Variants in ZNF814 observed in about 807,000 individuals in gnomAD.
ZNF814 encodes zinc finger protein 814.
ZNF814 carries 5 observed loss-of-function variants against 7.5 expected under a neutral mutation model. The observed-to-expected ratio is 0.67, with a 90% CI of 0.35 to 1.40. ZNF814 has a LOEUF of 1.40. Among genes scored for constraint, ZNF814 ranks in the 40% most tolerant of loss-of-function variants. ZNF814 has a pLI of 0.04. For synonymous variants in ZNF814, 315 were observed against 340.7 expected, an observed-to-expected ratio of 0.92 and a Z score of 0.83; for missense variants, 962 against 1,018.0, an observed-to-expected ratio of 0.94 and a Z score of 0.75.
upstream of ZNF814, among the ~76,000 whole-genome samples, chr19:57,890,334 G>GT (rs1555778259): frequency 1.3e-5 from 2 of 151,944 alleles, no homozygotes; most frequent in African/African-American, 4.8e-5. Flanking sequence ...CGAGACTGGG[G>GT]TTTTTTGTTG....
At chr19:57,897,144 C>A in the ZNF814 span, among the ~76,000 whole-genome samples, 19 of 152,064 alleles carry the variant, frequency 1.2e-4, no homozygotes, top group African/African-American at 4.1e-4. Context: ...CCATAACTGA[C>A]AAAACAGCTC....
At position 57,869,522 on chromosome 19, in the gene ZNF814, G is replaced by GT. The variant is rs2122401819; in HGVS notation, c.*3299_*3300insA. ...TAAAAAGGTTCCAAGTAAATATAAA[G>GT]GTGTTAAGTTCATTATTGTGACTAT... On this transcript the variant is annotated 3_prime_UTR_variant, in exon 3 of 3. Coordinates refer to ENST00000435989, the MANE Select transcript of ZNF814 (RefSeq NM_001144989.2). The GT allele has an allele frequency of 6.6e-6, 1 of 152,186 alleles. No homozygotes were observed. Among genetic ancestry groups the GT allele is most frequent in the East Asian group, 1.9e-4 (1 of 5,184 alleles). The allele number at this position is 152,186 out of a possible 1,614,324, so 9.4% of individuals were successfully genotyped here.
At chr19:57,889,753 A>T (rs2071723691), upstream of ZNF814, among the ~76,000 whole-genome samples, 1 of 151,730 alleles carries the variant, frequency 6.6e-6, no homozygotes, top group Admixed American at 6.6e-5. Flanking sequence ...AATCCCAGCT[A>T]CTGGGGAGGC....
At chr19:57,903,174 C>A in the ZNF814 span, among the ~76,000 whole-genome samples, 2 of 152,192 alleles carry the variant, frequency 1.3e-5, no homozygotes, top group African/African-American at 4.8e-5. Context: ...GAGATCCTTA[C>A]AAAACTCTTA....
At chr19:57,878,205 C>A (rs2071623201) in intron 1 of ZNF814, among the ~76,000 whole-genome samples, 1 of 150,572 alleles carries the variant, frequency 6.6e-6, no homozygotes, top group South Asian at 2.1e-4. Flanking sequence ...ATATTAACAG[C>A]CTGATAAGAG....
upstream of ZNF814, among the ~76,000 whole-genome samples, chr19:57,891,990 G>T (rs2071737409): frequency 6.6e-6 from 1 of 152,166 alleles, no homozygotes; most frequent in East Asian, 1.9e-4. Context: ...CCAACCTTGT[G>T]ATCTGCCCAC....
chr19:57,893,489 T>C (rs1600142622), upstream of ZNF814, among the ~76,000 whole-genome samples: 3 of 151,666 alleles, frequency 2.0e-5, no homozygotes, highest in African/African-American at 7.2e-5. Context: ...TTCCTACCAG[T>C]CAGTTGGCTG....
Position 57,873,850 on chromosome 19 carries a change from G to C in ZNF814, c.1540C>G (p.His514Asp). The change falls in exon 3 of 3, where the codon CAC becomes GAC. Residue 514 changes from histidine to aspartate, a missense_variant. Coordinates refer to ENST00000435989, the MANE Select transcript of ZNF814 (RefSeq NM_001144989.2). ...CACTCATAAGGTCTTGCTCCAGTGT[G>C]AACTCGCTGGTGTAGAACGAGGTTG... ...KGNLVLHQRV[H>D]TGARPYECGE... 1 of 1,614,052 alleles carries C rather than the reference G, an allele frequency of 6.2e-7. No homozygotes were observed. Among genetic ancestry groups the C allele is most frequent in the East Asian group, 2.2e-5 (1 of 44,876 alleles).
rs759665175 is a variant in ZNF814 at position 57,873,960 on chromosome 19, C to T, written c.1430G>A (p.Arg477His). Residue 477 changes from arginine to histidine, a missense_variant, in exon 3 of 3, where the codon CGC (arginine) becomes CAC (histidine). Physicochemically the swap from Arg to His is conservative, Grantham distance 29. Around this residue, in one of 7 missense-constraint regions of ZNF814, gnomAD observed 665 missense variants for 551.4 expected, o/e 1.21. Coordinates refer to ENST00000435989, the MANE Select transcript of ZNF814 (RefSeq NM_001144989.2). ...GECVKSFSHK[R>H]SLVHHQRVHS... ...AACTCGCTGATGGTGAACAAGGCTG[C>T]GCTTATGACTGAAAGATTTCACACA... 14 of 1,613,954 alleles carry T rather than the reference C, an allele frequency of 8.7e-6. No individual in the cohort carries two copies. Among genetic ancestry groups the T allele is most frequent in the Middle Eastern group, 1.7e-4 (1 of 6,056 alleles).
rs1295783879 is a variant in ZNF814, at chr19:57,888,841, C to T, written c.-39G>A. The T allele has an allele frequency of 9.0e-6, 14 of 1,550,970 alleles. No homozygotes were observed. Among genetic ancestry groups the T allele is most frequent in the Middle Eastern group, 1.7e-4 (1 of 5,990 alleles). ...TTTAAGCAGAGTCGGGAGGATAGGG[C>T]GACCAGCCAGGAGATATGGGCACGA... On this transcript the variant is annotated 5_prime_UTR_variant, in exon 1 of 3. Coordinates refer to ENST00000435989, the MANE Select transcript of ZNF814 (RefSeq NM_001144989.2).
Position 57,873,016 on chromosome 19 carries a change from T to A in ZNF814, c.2374A>T (p.Arg792Ter). The A allele has an allele frequency of 6.2e-7, 1 of 1,613,694 alleles. No individual in the cohort carries two copies. Among genetic ancestry groups the A allele is most frequent in the Non-Finnish European group, 8.5e-7 (1 of 1,179,794 alleles). Residue 792 changes from arginine (R) to a stop codon, truncating the protein, a stop_gained, in exon 3 of 3, where the codon AGA becomes TGA. Transcript: ENST00000435989. LOFTEE classifies it low-confidence loss of function (END_TRUNC). The part of the protein sequence containing the change: ...AESSSFTKHK[R>*]VHTGEKPYEC... ...TAAGGCTTTTCTCCAGTGTGAACTC[T>A]TTTGTGTTTTGTGAAACTGGAGCTT...
intron 1 of ZNF814, 121 bp from the exon 2 acceptor site, chr19:57,877,163 C>G: frequency 2.1e-6 from 3 of 1,429,292 alleles, no homozygotes; most frequent in Non-Finnish European, 2.9e-6. Flanking sequence ...ATAGGAGAAA[C>G]TAGGCCCACT....
chr19:57,875,958 T>C (rs868412623), intron 2 of ZNF814, among the ~76,000 whole-genome samples: 28,922 of 108,410 alleles, frequency 0.27, 4,341 homozygotes, highest in East Asian at 0.43. Flanking sequence ...TTTTTTTTTT[T>C]TTTTTTTTTT....
At chr19:57,880,602 CTTTTTTTTTTCTT>C (rs2071644829) in intron 1 of ZNF814, among the ~76,000 whole-genome samples, 1 of 125,572 alleles carries the variant, frequency 8.0e-6, no homozygotes, top group South Asian at 2.3e-4. Flanking sequence ...AACAGAACAC[CTTTTTTTTTTCTT>C]TTTTTTTTTA....
At chr19:57,877,423 A>G (rs2071615576) in intron 1 of ZNF814, among the ~76,000 whole-genome samples, 1 of 152,060 alleles carries the variant, frequency 6.6e-6, no homozygotes, top group Non-Finnish European at 1.5e-5. Context: ...TCTGGCCTTT[A>G]AACAACTTAA....
the ZNF814 span, among the ~76,000 whole-genome samples, chr19:57,896,116 G>GA: frequency 3.7e-5 from 5 of 135,662 alleles, no homozygotes; most frequent in East Asian, 1.1e-3. The surrounding 1 kb of genome is among the most constrained non-coding windows in gnomAD (Gnocchi z 4.2). Flanking sequence ...GAGCGCACCT[G>GA]AAAAAAGGGG....
chr19:57,902,203 A>C, the ZNF814 span, among the ~76,000 whole-genome samples: 1 of 152,228 alleles, frequency 6.6e-6, no homozygotes, highest in Non-Finnish European at 1.5e-5. Flanking sequence ...GTTTGGTTTG[A>C]AGGTGTGGAC....
intron 1 of ZNF814, among the ~76,000 whole-genome samples, chr19:57,880,581 A>G (rs1398759635): frequency 0.025 from 3,668 of 144,528 alleles, 29 homozygotes; most frequent in African/African-American, 0.096. Flanking sequence ...AGCTGCACCC[A>G]TCATACCCTT....
At position 57,870,031 on chromosome 19, in the gene ZNF814, G is replaced by A. The variant is rs1037118543; in HGVS notation, c.*2791C>T. On this transcript the variant is annotated 3_prime_UTR_variant, in exon 3 of 3. Coordinates refer to ENST00000435989, the MANE Select transcript of ZNF814 (RefSeq NM_001144989.2). ...CAAGGCAGGCGGATCACGAGGTCAG[G>A]AGATCGAGACCATCCTAGTTAACAT... 6 of 151,842 alleles carry A rather than the reference G, an allele frequency of 4.0e-5. No homozygotes were observed. Among genetic ancestry groups the A allele is most frequent in the African/African-American group, 1.5e-4 (6 of 41,296 alleles). The allele number at this position is 151,842 out of a possible 1,614,324, so 9.4% of individuals were successfully genotyped here. A position where few individuals can be genotyped will look rare whatever the true frequency, so the allele number is the denominator to read the frequency against.
Sources: allele counts gnomAD v4.1 joint callset (sites outside exome capture counted in the v4.1 genomes callset), GRCh38; gene constraint gnomAD v4.1.1; regional missense constraint gnomAD v4.1.1; non-coding constraint Gnocchi (gnomAD v3.1); transcripts MANE v1.5; gene names NCBI Gene and HGNC (gene_info 2026-07-23, HGNC 2026-07-21).